The following ZBTB20 variants were observed in gnomAD, a reference collection of about 807,000 sequenced individuals.
ZBTB20 encodes zinc finger and BTB domain-containing protein 20.
ZBTB20 carries 9 observed loss-of-function variants against 56.9 expected under a neutral mutation model. The ratio of observed to expected loss-of-function variants is 0.16; its 90% confidence interval spans 0.10 to 0.28. ZBTB20 has a LOEUF of 0.28. Ranked by LOEUF, ZBTB20 falls within the 10% of genes least tolerant of loss-of-function variation. The pLI, the probability that ZBTB20 is intolerant of heterozygous loss-of-function variation, is 1.00. For missense variants in ZBTB20, 655 were observed against 1,003.0 expected (o/e 0.65, Z 4.69); for synonymous variants, 417 against 420.7 (o/e 0.99, Z 0.11).
chr3:114,961,716 T>C (rs918208907), intron 3 of ZBTB20, among the ~76,000 whole-genome samples: 1 of 152,150 alleles, frequency 6.6e-6, no homozygotes, highest in African/African-American at 2.4e-5. Flanking sequence ...CAAATAATAC[T>C]TGTCTCATAA....
At chr3:114,495,248 T>C (rs1489232011) in intron 7 of ZBTB20, among the ~76,000 whole-genome samples, 4 of 152,196 alleles carry the variant, frequency 2.6e-5, no homozygotes, top group Non-Finnish European at 2.9e-5. Context: ...TCTTTGTACA[T>C]AGCATGTTTT....
At chr3:114,706,087 AAG>A (rs149647100) in intron 5 of ZBTB20, among the ~76,000 whole-genome samples, 49 of 149,418 alleles carry the variant, frequency 3.3e-4, no homozygotes, top group South Asian at 6.3e-4. Flanking sequence ...GATGTAGAGA[AAG>A]AGAGAGAGAG....
chr3:114,428,883 T>C (rs2089911737), intron 7 of ZBTB20, among the ~76,000 whole-genome samples: 4 of 152,182 alleles, frequency 2.6e-5, no homozygotes, highest in Admixed American at 2.6e-4. Context: ...CAGAAGTTAA[T>C]TCTGTAGTTG....
At chr3:115,135,316 A>G (rs1282847768) in intron 1 of ZBTB20, among the ~76,000 whole-genome samples, 1 of 152,178 alleles carries the variant, frequency 6.6e-6, no homozygotes, top group East Asian at 1.9e-4. Flanking sequence ...TTAATTTTAA[A>G]AAAGCCTGGG....
chr3:115,122,608 T>C (rs562622375), intron 1 of ZBTB20, among the ~76,000 whole-genome samples: 1 of 152,248 alleles, frequency 6.6e-6, no homozygotes, highest in South Asian at 2.1e-4. Context: ...AGTGCCTTTA[T>C]TTGTCCTGCC....
intron 10 of ZBTB20, among the ~76,000 whole-genome samples, chr3:114,359,850 T>C (rs2081624682): frequency 6.6e-6 from 1 of 152,230 alleles, no homozygotes; most frequent in East Asian, 1.9e-4. Flanking sequence ...AAATTGAGTA[T>C]ATGAAAACCA....
At chr3:114,883,384 TCAAA>T (rs2076470193) in intron 4 of ZBTB20, among the ~76,000 whole-genome samples, 1 of 152,208 alleles carries the variant, frequency 6.6e-6, no homozygotes, top group South Asian at 2.1e-4. Context: ...AACAAGACTA[TCAAA>T]CAAAACTGAT....
intron 7 of ZBTB20, among the ~76,000 whole-genome samples, chr3:114,411,464 T>A (rs528100401): frequency 1.3e-5 from 2 of 152,282 alleles, no homozygotes; most frequent in South Asian, 4.1e-4. Context: ...ACAGGCTCAG[T>A]AAAAAACTGG....
intron 6 of ZBTB20, among the ~76,000 whole-genome samples, chr3:114,663,693 G>C (rs1352838259): frequency 2.0e-5 from 3 of 151,618 alleles, no homozygotes; most frequent in East Asian, 1.9e-4. Flanking sequence ...GATGGAGGAA[G>C]ATCTACCAAG....
chr3:114,627,498 C>T (rs1021493041), intron 6 of ZBTB20, among the ~76,000 whole-genome samples: 6 of 152,028 alleles, frequency 3.9e-5, no homozygotes, highest in African/African-American at 1.5e-4. Flanking sequence ...TAGGAGTATC[C>T]CATGAAGAAG....
At chr3:114,510,297 A>G (rs2045196683) in intron 6 of ZBTB20, among the ~76,000 whole-genome samples, 1 of 152,168 alleles carries the variant, frequency 6.6e-6, no homozygotes, top group African/African-American at 2.4e-5. Context: ...ATCTCTGACC[A>G]ATGAAGCCCA....
chr3:114,421,358 C>T (rs2089152718), intron 7 of ZBTB20, among the ~76,000 whole-genome samples: 1 of 152,158 alleles, frequency 6.6e-6, no homozygotes, highest in African/African-American at 2.4e-5. Context: ...GATACATTTA[C>T]AATACTCCTC....
At chr3:114,561,513 T>G (rs1054186439) in intron 6 of ZBTB20, among the ~76,000 whole-genome samples, 9 of 152,180 alleles carry the variant, frequency 5.9e-5, no homozygotes, top group African/African-American at 2.2e-4. Context: ...CATTAGCCTC[T>G]TTGTACATCT....
intron 3 of ZBTB20, among the ~76,000 whole-genome samples, chr3:114,919,290 T>C (rs260184): frequency 0.048 from 7,314 of 152,200 alleles, 568 homozygotes; most frequent in African/African-American, 0.17. Context: ...AGGTGTGTTA[T>C]ATATGCCTCA....
chr3:114,583,175 T>G (rs1447945200), intron 6 of ZBTB20, among the ~76,000 whole-genome samples: 1 of 152,176 alleles, frequency 6.6e-6, no homozygotes, highest in African/African-American at 2.4e-5. Flanking sequence ...AAAGCAAAGT[T>G]TTATTCCAGT....
intron 7 of ZBTB20, among the ~76,000 whole-genome samples, chr3:114,496,494 G>A (rs1269336881): frequency 1.3e-5 from 2 of 152,142 alleles, no homozygotes; most frequent in African/African-American, 2.4e-5. Flanking sequence ...CCTACTCCTC[G>A]TCTTGTTCAT....
chr3:114,597,648 G>C (rs1043100996), intron 6 of ZBTB20, among the ~76,000 whole-genome samples: 2 of 152,066 alleles, frequency 1.3e-5, no homozygotes, highest in African/African-American at 4.8e-5. Context: ...TAAGTTTTCT[G>C]TTTTGGTTTT....
intron 5 of ZBTB20, among the ~76,000 whole-genome samples, chr3:114,792,876 CTTTTTT>C (rs71146337): frequency 8.4e-6 from 1 of 119,686 alleles, no homozygotes; most frequent in Non-Finnish European, 1.8e-5. Context: ...TTTTCTTTTT[CTTTTTT>C]TTTTTTTTTT....
At chr3:114,649,192 G>C (rs2060001641) in intron 6 of ZBTB20, among the ~76,000 whole-genome samples, 1 of 151,868 alleles carries the variant, frequency 6.6e-6, no homozygotes, top group African/African-American at 2.4e-5. Flanking sequence ...TTTTTTGGGT[G>C]TCCACCACAA....
Sources: gnomAD v4.1 joint callset for allele counts (sites outside exome capture counted in the v4.1 genomes callset) on GRCh38, gnomAD v4.1.1 for gene constraint, MANE v1.5 for transcripts, NCBI Gene and HGNC (gene_info 2026-07-23, HGNC 2026-07-21) for gene names.